Variants in MSRA observed in about 807,000 individuals in gnomAD.
MSRA encodes the protein methionine sulfoxide reductase A.
MSRA carries 54 observed loss-of-function variants against 31.3 expected under a neutral mutation model. That is an observed-to-expected ratio of 1.73 (90% confidence interval 1.39 to 2.17). The LOEUF is 2.17. Ranked by LOEUF, MSRA falls within the 30% of genes most tolerant of loss-of-function variation. MSRA has a pLI of 0.00. For missense variants in MSRA, 507 were observed against 300.9 expected, an observed-to-expected ratio of 1.69 and a Z score of -5.07; for synonymous variants, 169 against 116.5, an observed-to-expected ratio of 1.45 and a Z score of -2.90.
At chr8:10,237,690 G>T (rs1012048077) in intron 2 of MSRA, among the ~76,000 whole-genome samples, 2 of 152,160 alleles carry the variant, frequency 1.3e-5, no homozygotes, top group Non-Finnish European at 2.9e-5. Flanking sequence ...CCATCCACAA[G>T]GTTCCCCACT....
chr8:10,255,915 C>T lies in MSRA; in HGVS notation c.331+10692C>T, dbSNP rs143092670. ...AATGTAAAGAGAATTCCCATCTATCCCATCCCCCCACCATGCCCGCTATCA... is the reference window on the plus strand; with the variant it reads ...AATGTAAAGAGAATTCCCATCTATCTCATCCCCCCACCATGCCCGCTATCA... On this transcript the variant is annotated intron_variant, in intron 3 of 5. Transcript: ENST00000317173. 8.3e-3 allele frequency among the ~76,000 whole-genome samples: 1,261 copies of T among 152,098 alleles called. 12 individuals are homozygous for T. Among genetic ancestry groups the T allele is most frequent in the South Asian group, 0.045 (218 of 4,804 alleles).
At chr8:10,177,439 A>G (rs950109552) in intron 1 of MSRA, among the ~76,000 whole-genome samples, 2 of 148,444 alleles carry the variant, frequency 1.3e-5, no homozygotes, top group African/African-American at 2.5e-5. Context: ...TTGAGCTTTG[A>G]TAACTTTTTG....
At chr8:10,139,446 A>T (rs2129030169) in intron 1 of MSRA, among the ~76,000 whole-genome samples, 1 of 152,300 alleles carries the variant, frequency 6.6e-6, no homozygotes, top group South Asian at 2.1e-4. Flanking sequence ...CGTAGTGGTG[A>T]AGCCTGGGCT....
chr8:10,275,947 A>G (rs1002290672), intron 3 of MSRA, among the ~76,000 whole-genome samples: 1 of 152,218 alleles, frequency 6.6e-6, no homozygotes, highest in African/African-American at 2.4e-5. Flanking sequence ...ATTGCTCATG[A>G]AAAGTGAAAT....
chr8:10,233,877 T>C (rs1169238663), intron 2 of MSRA, among the ~76,000 whole-genome samples: 1 of 152,144 alleles, frequency 6.6e-6, no homozygotes, highest in Non-Finnish European at 1.5e-5. Flanking sequence ...GACATCTAGA[T>C]TTATAATAAA....
chr8:10,222,337 C>A (rs998084185), intron 2 of MSRA, among the ~76,000 whole-genome samples: 1 of 152,056 alleles, frequency 6.6e-6, no homozygotes, highest in African/African-American at 2.4e-5. Flanking sequence ...TTTTAAATGA[C>A]ACATTAGCTT....
intron 5 of MSRA, among the ~76,000 whole-genome samples, chr8:10,327,943 C>T (rs538317328): frequency 1.3e-5 from 2 of 149,006 alleles, no homozygotes; most frequent in Non-Finnish European, 3.0e-5. Flanking sequence ...ACAACAACAA[C>T]AACAAAAAAA....
Position 10,054,424 on chromosome 8 carries a change from T to C in MSRA, c.-93T>C, listed in dbSNP as rs1337814261. On this transcript the variant is annotated 5_prime_UTR_variant, in exon 1 of 6. Transcript: ENST00000317173. ...GCCCGCGCCCCTGCCGCCCCCCGGT[T>C]CCGGCCGCGGACCCCACTCTCTGCC... The C allele has an allele frequency of 4.9e-6, 5 of 1,020,926 alleles. No individual in the cohort carries two copies. The highest frequency in any genetic ancestry group is 1.3e-6 in the Non-Finnish European group (1 of 782,558). 63.2% of individuals were successfully genotyped at this position (1,020,926 alleles called of 1,614,324 possible).
chr8:10,363,356 C>T (rs1323191935), intron 5 of MSRA, among the ~76,000 whole-genome samples: 2 of 152,146 alleles, frequency 1.3e-5, no homozygotes, highest in Admixed American at 1.3e-4. Flanking sequence ...TTCCGTGACT[C>T]ACAGGGCCAA....
chr8:10,275,283 T>G (rs2129103236), intron 3 of MSRA, among the ~76,000 whole-genome samples: 1 of 152,336 alleles, frequency 6.6e-6, no homozygotes, highest in Non-Finnish European at 1.5e-5. Flanking sequence ...AAGTTTGAAG[T>G]TTCAGAAATC....
intron 2 of MSRA, among the ~76,000 whole-genome samples, chr8:10,232,377 A>T (rs1225499303): frequency 6.6e-6 from 1 of 152,196 alleles, no homozygotes; most frequent in East Asian, 1.9e-4. Flanking sequence ...TCTAGTTAAC[A>T]GGAGTGTGCT....
chr8:10,412,091 A>C (rs1250330293), intron 5 of MSRA, among the ~76,000 whole-genome samples: 1 of 152,270 alleles, frequency 6.6e-6, no homozygotes. Flanking sequence ...TACTTTAGGC[A>C]AGGGCCGTAT....
intron 1 of MSRA, among the ~76,000 whole-genome samples, chr8:10,058,713 G>C (rs1375316304): frequency 1.3e-5 from 2 of 152,226 alleles, no homozygotes; most frequent in Non-Finnish European, 2.9e-5. Flanking sequence ...TTCAGACCAA[G>C]ACGAGGAGTG....
chr8:10,383,161 C>A (rs763730105), intron 5 of MSRA, among the ~76,000 whole-genome samples: 1 of 152,242 alleles, frequency 6.6e-6, no homozygotes, highest in Admixed American at 6.5e-5. Context: ...GGGTGCCAGC[C>A]AACTCTGCTG....
At chr8:10,425,774 G>A (rs1809120015) in intron 5 of MSRA, among the ~76,000 whole-genome samples, 1 of 152,240 alleles carries the variant, frequency 6.6e-6, no homozygotes, top group African/African-American at 2.4e-5. Flanking sequence ...CCGGGCTCTG[G>A]GCCAAGTAAG....
intron 1 of MSRA, among the ~76,000 whole-genome samples, chr8:10,066,575 C>G (rs531003685): frequency 2.5e-4 from 38 of 152,122 alleles, no homozygotes; most frequent in Admixed American, 9.2e-4. Flanking sequence ...CTGTTGTTAC[C>G]CATGCTGGAG....
At chr8:10,078,420 C>G (rs1346147334) in intron 1 of MSRA, among the ~76,000 whole-genome samples, 2 of 152,214 alleles carry the variant, frequency 1.3e-5, no homozygotes, top group African/African-American at 4.8e-5. Flanking sequence ...TCACTGGGGA[C>G]CCTTGGCGCA....
At chr8:10,415,712 C>T (rs911779767) in intron 5 of MSRA, among the ~76,000 whole-genome samples, 1 of 151,966 alleles carries the variant, frequency 6.6e-6, no homozygotes, top group Non-Finnish European at 1.5e-5. Context: ...TCCCTGCACT[C>T]TCCTCCGGAC....
chr8:10,176,629 T>C (rs1806076592), intron 1 of MSRA, among the ~76,000 whole-genome samples: 1 of 152,236 alleles, frequency 6.6e-6, no homozygotes, highest in Admixed American at 6.5e-5. Flanking sequence ...TCTTTCCCCT[T>C]TTCGTGTGAA....
Sources: gnomAD v4.1 joint callset for allele counts (sites outside exome capture counted in the v4.1 genomes callset) on GRCh38, gnomAD v4.1.1 for gene constraint, MANE v1.5 for transcripts, NCBI Gene and HGNC (gene_info 2026-07-23, HGNC 2026-07-21) for gene names.